The following PTPN3 variants were observed in gnomAD, a reference collection of about 807,000 sequenced individuals.
PTPN3 encodes the protein tyrosine-protein phosphatase non-receptor type 3.
In PTPN3, 96 loss-of-function variants were observed where a neutral mutation model predicts 132.7. The observed-to-expected ratio is 0.72, with a 90% CI of 0.61 to 0.86. The LOEUF (loss-of-function observed/expected upper bound fraction) is 0.86. Among genes scored for constraint, PTPN3 ranks in the 40% least tolerant of loss-of-function variants. The pLI is 0.00. For missense variants in PTPN3, 1,125 were observed against 1,159.6 expected, an observed-to-expected ratio of 0.97 and a Z score of 0.43; for synonymous variants, 398 against 429.0, an observed-to-expected ratio of 0.93 and a Z score of 0.89.
At chr9:109,474,509 T>G (rs1332423777) in intron 1 of PTPN3, among the ~76,000 whole-genome samples, 1 of 151,564 alleles carries the variant, frequency 6.6e-6, no homozygotes, top group African/African-American at 2.4e-5. Flanking sequence ...CAGGGTGGGG[T>G]GGGTGTCAGG....
intron 22 of PTPN3, among the ~76,000 whole-genome samples, chr9:109,388,898 G>A (rs942861029): frequency 3.3e-5 from 5 of 152,176 alleles, no homozygotes; most frequent in African/African-American, 1.2e-4. Flanking sequence ...TTTTACAAAG[G>A]CCACTGTTAA....
In PTPN3 at chr9:109,421,913, G is replaced by A. The variant is rs1252150539; in HGVS notation, c.1136+805C>T. Among the ~76,000 whole-genome samples, 4 of 152,100 alleles carry A rather than the reference G, an allele frequency of 2.6e-5. No homozygotes were observed. The East Asian group carries it at 5.8e-4, about 22-fold the overall frequency. ...ACTCCAGTGTGGAGCTGGGGGCAAT[G>A]ATTCCCTGCTAGGTTTCCCCTCTGG... On this transcript the variant is annotated intron_variant, in intron 13 of 25. Coordinates refer to ENST00000374541, the MANE Select transcript of PTPN3 (RefSeq NM_002829.4).
the PTPN3 span, among the ~76,000 whole-genome samples, chr9:109,507,445 G>T: frequency 6.6e-6 from 1 of 152,238 alleles, no homozygotes; most frequent in Non-Finnish European, 1.5e-5. Flanking sequence ...AATTCCTGGT[G>T]ACATTTTAAG....
chr9:109,437,010 A>C, intron 8 of PTPN3, 40 bp from the exon 9 acceptor site: 1 of 1,611,318 alleles, frequency 6.2e-7, no homozygotes, highest in Non-Finnish European at 8.5e-7. Flanking sequence ...CATCCAATAA[A>C]GAGAGGGCAT....
the PTPN3 span, among the ~76,000 whole-genome samples, chr9:109,538,122 C>T: frequency 6.6e-6 from 1 of 152,188 alleles, no homozygotes; most frequent in Non-Finnish European, 1.5e-5. Flanking sequence ...TTTTAGTATG[C>T]TTCTGATTTT....
chr9:109,383,377 G>A, intron 23 of PTPN3, 46 bp downstream of exon 23: 2 of 1,613,768 alleles, frequency 1.2e-6, no homozygotes, highest in Middle Eastern at 1.6e-4. Flanking sequence ...AGTGGCCGCT[G>A]ATTCAGCACC....
At chr9:109,490,755 A>C (rs554786143) in intron 1 of PTPN3, among the ~76,000 whole-genome samples, 3 of 152,152 alleles carry the variant, frequency 2.0e-5, no homozygotes, top group East Asian at 1.9e-4. Flanking sequence ...ACAACAACAA[A>C]AAAAGTCAAG....
intron 6 of PTPN3, among the ~76,000 whole-genome samples, chr9:109,445,689 C>T (rs973457326): frequency 1.3e-5 from 2 of 151,514 alleles, no homozygotes; most frequent in African/African-American, 4.9e-5. Context: ...TCATAGGGCT[C>T]TCTAACTAAA....
intron 1 of PTPN3, among the ~76,000 whole-genome samples, chr9:109,472,946 T>C (rs1340937543): frequency 6.6e-6 from 1 of 152,248 alleles, no homozygotes; most frequent in East Asian, 1.9e-4. Flanking sequence ...CATTAATTTT[T>C]AAATAACATT....
chr9:109,481,996 TC>T (rs1168460358), intron 1 of PTPN3, among the ~76,000 whole-genome samples: 1 of 152,180 alleles, frequency 6.6e-6, no homozygotes, highest in Non-Finnish European at 1.5e-5. Flanking sequence ...TGGCAGCTGC[TC>T]CCCTGCTGAT....
rs767699817 is a variant in PTPN3, at chr9:109,382,332, A to C, written c.2498T>G (p.Val833Gly). Residue 833 changes from valine to glycine, a missense_variant, in exon 24 of 26, where the codon GTG becomes GGG. Physicochemically the swap from Val to Gly is moderately radical, Grantham distance 109. Transcript: ENST00000374541. The part of the protein sequence containing the change: ...EFVNYVRSLR[V>G]DSEPVLVHCS... The stretch of plus-strand genomic sequence containing the variant: ...GTGAACTAGGACGGGCTCGCTGTCC[A>C]CTCTCAGAGACCTCACATAGTTTAC... The C allele has an allele frequency of 1.2e-6, 2 of 1,613,972 alleles. No individual in the cohort carries two copies. Among genetic ancestry groups the C allele is most frequent in the Admixed American group, 3.3e-5 (2 of 60,016 alleles).
chr9:109,404,419 A>C lies in PTPN3; in HGVS notation c.1953+29T>G, dbSNP rs1460647380. On this transcript the variant is annotated intron_variant, in intron 19 of 25. Coordinates refer to ENST00000374541, the MANE Select transcript of PTPN3 (RefSeq NM_002829.4). ...GGGGCAGCCCAATAGGCGACATGGC[A>C]GTGGGATTCAGCCTCCAGAGGGTCT... 2.9e-6 allele frequency: 4 copies of C among 1,361,216 alleles called. No individual in the cohort carries two copies. In the African/African-American group the frequency reaches 5.8e-5, roughly 20 times the overall value. 84.3% of individuals were successfully genotyped at this position (1,361,216 alleles called of 1,614,324 possible).
the PTPN3 span, among the ~76,000 whole-genome samples, chr9:109,524,028 T>G: frequency 6.6e-6 from 1 of 152,122 alleles, no homozygotes; most frequent in Non-Finnish European, 1.5e-5. Flanking sequence ...GGAGGATTGC[T>G]AGAGCCCAGG....
intron 1 of PTPN3, among the ~76,000 whole-genome samples, chr9:109,484,235 C>G (rs1284097825): frequency 6.6e-6 from 1 of 152,234 alleles, no homozygotes; most frequent in Non-Finnish European, 1.5e-5. Flanking sequence ...GTCCAGACAG[C>G]TGAGCCAGTA....
At chr9:109,491,298 G>A (rs536229640) in intron 1 of PTPN3, among the ~76,000 whole-genome samples, 9 of 152,042 alleles carry the variant, frequency 5.9e-5, no homozygotes, top group Non-Finnish European at 1.2e-4. Flanking sequence ...TTGTAGTTAC[G>A]GAATATCATC....
chr9:109,472,069 C>T (rs1051953042), intron 1 of PTPN3, among the ~76,000 whole-genome samples: 1 of 152,174 alleles, frequency 6.6e-6, no homozygotes, highest in Admixed American at 6.5e-5. Context: ...GAAGTGCTTC[C>T]TAAATCATTG....
At position 109,389,355 on chromosome 9, in the gene PTPN3, C is replaced by T; in HGVS notation, c.2131G>A (p.Val711Met). 1 of 1,613,564 alleles carries T rather than the reference C, an allele frequency of 6.2e-7. No homozygotes were observed. The highest frequency in any genetic ancestry group is 1.1e-5 in the South Asian group (1 of 90,832). The part of the protein sequence containing the change: ...VNMEIPAANL[V>M]NKYIATQGPL... Reference sequence around the variant, plus strand: ...CCCTGAGTGGCGATGTACTTGTTCACAAGGTTAGCAGCAGGAATTTCCATC... The same window carrying T: ...CCCTGAGTGGCGATGTACTTGTTCATAAGGTTAGCAGCAGGAATTTCCATC... Residue 711 changes from valine (V) to methionine (M), a missense_variant, in exon 22 of 26, where the codon GTG becomes ATG. Transcript: ENST00000374541.
rs933345986 is a variant in PTPN3 at position 109,427,136 on chromosome 9, C to G, written c.829-14G>C. The stretch of plus-strand genomic sequence containing the variant: ...CCTGGATTCAGCCTGGGAGGAAAAA[C>G]AGTCAAGATTTCACCCACACAGACA... On this transcript the variant is annotated splice_polypyrimidine_tract_variant and intron_variant, in intron 11 of 25. Transcript: ENST00000374541. 4 of 1,613,014 alleles carry G rather than the reference C, an allele frequency of 2.5e-6. No individual in the cohort carries two copies. The highest frequency in any genetic ancestry group is 3.4e-6 in the Non-Finnish European group (4 of 1,179,422).
chr9:109,457,104 T>G (rs747730875), intron 4 of PTPN3, 69 bp downstream of exon 4: 1 of 1,516,090 alleles, frequency 6.6e-7, no homozygotes, highest in South Asian at 1.1e-5. Context: ...CACTGACGAT[T>G]GGAGGGGAGA....
Sources: gnomAD v4.1 joint callset for allele counts (sites outside exome capture counted in the v4.1 genomes callset) on GRCh38, gnomAD v4.1.1 for gene constraint, MANE v1.5 for transcripts, NCBI Gene and HGNC (gene_info 2026-07-23, HGNC 2026-07-21) for gene names.